Variants in ATP11C observed in about 807,000 individuals in gnomAD.
ATP11C encodes the protein phospholipid-transporting ATPase IG.
Under a neutral mutation model 97.4 loss-of-function variants are expected in ATP11C, and 36 were observed. The observed-to-expected ratio is 0.37, with a 90% CI of 0.28 to 0.49. The LOEUF (loss-of-function observed/expected upper bound fraction) is 0.49, where lower values mean the gene tolerates loss of function less well. Ranked by LOEUF, ATP11C falls within the 20% of genes least tolerant of loss-of-function variation. The pLI is 0.98. For synonymous variants in ATP11C, 275 were observed against 290.9 expected (o/e 0.95, Z 0.56); for missense variants, 730 against 824.6 (o/e 0.89, Z 1.40).
intron 1 of ATP11C, among the ~76,000 whole-genome samples, chrX:139,849,952 G>C (rs754747605): frequency 8.9e-6 from 1 of 111,887 alleles, no homozygotes. Flanking sequence ...TCCACCATGG[G>C]ATGATGCAGC....
At chrX:139,920,106 TC>T (rs1408491636) in intron 1 of ATP11C, among the ~76,000 whole-genome samples, 1 of 111,054 alleles carries the variant, frequency 9.0e-6, no homozygotes, top group Non-Finnish European at 1.9e-5. Context: ...ACGCCTATAA[TC>T]CCAGCACTTT....
At chrX:139,881,405 A>AT (rs1450403657) in intron 1 of ATP11C, among the ~76,000 whole-genome samples, 1 of 110,097 alleles carries the variant, frequency 9.1e-6, no homozygotes, top group Non-Finnish European at 1.9e-5. Flanking sequence ...ATATAGAGTG[A>AT]TTTTTTTTCA....
At chrX:139,810,361 A>T (rs1268526919) in intron 5 of ATP11C, among the ~76,000 whole-genome samples, 1 of 111,783 alleles carries the variant, frequency 8.9e-6, no homozygotes, top group African/African-American at 3.3e-5. Flanking sequence ...AGGCTGAGGC[A>T]GGAGAATTGC....
intron 1 of ATP11C, among the ~76,000 whole-genome samples, chrX:139,878,229 A>C (rs2084507747): frequency 9.0e-6 from 1 of 111,699 alleles, no homozygotes; most frequent in Non-Finnish European, 1.9e-5. Context: ...TAATGCACAG[A>C]CAAAGCTTAG....
intron 1 of ATP11C, among the ~76,000 whole-genome samples, chrX:139,890,858 T>A (rs986050023): frequency 2.7e-5 from 3 of 110,935 alleles, no homozygotes; most frequent in Non-Finnish European, 5.7e-5. Context: ...TATACCATTT[T>A]CTATCAAGTT....
chrX:139,739,291 G>T (rs776270225), intron 27 of ATP11C, among the ~76,000 whole-genome samples: 6 of 100,481 alleles, frequency 6.0e-5, no homozygotes, highest in Admixed American at 3.3e-4. Context: ...GTTGTTTTTT[G>T]TTTTTTTTTT....
intron 24 of ATP11C, among the ~76,000 whole-genome samples, chrX:139,749,601 C>T (rs955874511): frequency 1.8e-5 from 2 of 111,530 alleles, no homozygotes; most frequent in Admixed American, 9.5e-5. Flanking sequence ...GGGTGTGGGG[C>T]GGCTAATGCT....
rs759284090 is a variant in ATP11C at position 139,789,303 on chromosome X, T to C, written c.1368+24A>G. 19 of 1,157,274 alleles carry C rather than the reference T, an allele frequency of 1.6e-5. No homozygotes were observed. In the South Asian group the frequency reaches 2.8e-4, roughly 17 times the overall value. ...CATGCATACACAGATTGGTTTCTTA[T>C]ATAAAACAATAATGCAAATGCACCT... On this transcript the variant is annotated intron_variant, in intron 13 of 29. Transcript: ENST00000682941.
At chrX:139,936,531 G>T (rs1380046072), upstream of ATP11C, among the ~76,000 whole-genome samples, 1 of 111,671 alleles carries the variant, frequency 9.0e-6, no homozygotes, top group Non-Finnish European at 1.9e-5. Flanking sequence ...AAGCCCCACA[G>T]GTAGGAATTC....
intron 1 of ATP11C, among the ~76,000 whole-genome samples, chrX:139,833,514 T>A (rs745392454): frequency 9.1e-6 from 1 of 109,900 alleles, no homozygotes; most frequent in South Asian, 4.0e-4. Context: ...GAGACCCCTG[T>A]CTCTACGAAA....
chrX:139,918,941 T>C (rs1297072723), intron 1 of ATP11C, among the ~76,000 whole-genome samples: 2 of 111,608 alleles, frequency 1.8e-5, no homozygotes, highest in Non-Finnish European at 3.8e-5. Flanking sequence ...TTCTTTACAA[T>C]TAAAAATACT....
chrX:139,884,957 G>A (rs1468121835), intron 1 of ATP11C, among the ~76,000 whole-genome samples: 2 of 111,680 alleles, frequency 1.8e-5, no homozygotes, highest in African/African-American at 3.3e-5. Context: ...CAATGTAAAT[G>A]TTCTACATTT....
intron 8 of ATP11C, 28 bp from the exon 9 acceptor site, chrX:139,798,771 C>T (rs748266748): frequency 8.9e-7 from 1 of 1,124,414 alleles, no homozygotes; most frequent in Non-Finnish European, 1.2e-6. Flanking sequence ...ACAGCTTATC[C>T]AAACAAGCCA....
intron 3 of ATP11C, among the ~76,000 whole-genome samples, chrX:139,818,719 A>C (rs1318513279): frequency 8.9e-6 from 1 of 112,673 alleles, no homozygotes; most frequent in Non-Finnish European, 1.9e-5. Context: ...CATTTAAAAA[A>C]TGAAATGAGA....
chrX:139,796,402 C>A lies in ATP11C; in HGVS notation c.1077G>T (p.Met359Ile), dbSNP rs1178015701. The A allele has an allele frequency of 8.3e-7, 1 of 1,203,633 alleles. No homozygotes were observed. Among genetic ancestry groups the A allele is most frequent in the African/African-American group, 1.8e-5 (1 of 57,101 alleles). The change falls in exon 12 of 30, where the codon ATG (methionine) becomes ATT (isoleucine). Residue 359 changes from methionine (M) to isoleucine (I), a missense_variant. Physicochemically the swap from Met to Ile is conservative, Grantham distance 10. Transcript: ENST00000682941. The stretch of plus-strand genomic sequence containing the variant: ...ATTTCTGCATTTCTACTGTGACGTA[C>A]ATGGAGACAGGAATGATAAAGTTGA... Reference protein sequence around the residue: ...VLFNFIIPVSMYVTVEMQKFL... With the variant: ...VLFNFIIPVSIYVTVEMQKFL...
upstream of ATP11C, among the ~76,000 whole-genome samples, chrX:139,936,629 T>A (rs916891539): frequency 9.0e-6 from 1 of 111,468 alleles, no homozygotes; most frequent in Admixed American, 9.6e-5. Flanking sequence ...GAGTGCTTTC[T>A]CAATCCTTTC....
At chrX:139,781,820 C>T (rs1002770349) in intron 18 of ATP11C, among the ~76,000 whole-genome samples, 6 of 112,282 alleles carry the variant, frequency 5.3e-5, no homozygotes, top group Non-Finnish European at 1.1e-4. Flanking sequence ...ATGTTGTTCA[C>T]TCTACCTTAA....
intron 23 of ATP11C, among the ~76,000 whole-genome samples, chrX:139,753,228 A>G (rs1363973746): frequency 9.0e-6 from 1 of 111,331 alleles, no homozygotes; most frequent in Non-Finnish European, 1.9e-5. Context: ...GGACATAACA[A>G]TCCACAGCAA....
At chrX:139,783,867 T>TAAA (rs60998113) in intron 16 of ATP11C, among the ~76,000 whole-genome samples, 26 of 101,618 alleles carry the variant, frequency 2.6e-4, no homozygotes, top group African/African-American at 8.3e-4. Context: ...TACCGTGTCT[T>TAAA]AAAAAAAAAA....
Sources: gnomAD v4.1 joint callset for allele counts (sites outside exome capture counted in the v4.1 genomes callset) on GRCh38, gnomAD v4.1.1 for gene constraint, MANE v1.5 for transcripts, NCBI Gene and HGNC (gene_info 2026-07-23, HGNC 2026-07-21) for gene names.